MEIS2: variants seen among roughly 807,000 people sequenced by gnomAD.
The protein encoded by MEIS2 is homeobox protein Meis2.
In MEIS2, 9 loss-of-function variants were observed where a neutral mutation model predicts 58.6. The ratio of observed to expected loss-of-function variants is 0.15; its 90% CI spans 0.09 to 0.27. The LOEUF (loss-of-function observed/expected upper bound fraction) is 0.27, where lower values mean the gene tolerates loss of function less well. Ranked by LOEUF, MEIS2 falls within the 10% of genes least tolerant of loss-of-function variation. MEIS2 has a pLI of 1.00. For missense variants in MEIS2, 427 were observed against 635.0 expected, an observed-to-expected ratio of 0.67 and a Z score of 3.52; for synonymous variants, 221 against 228.4, an observed-to-expected ratio of 0.97 and a Z score of 0.29.
chr15:37,003,753 A>G (rs1330611276), intron 8 of MEIS2, among the ~76,000 whole-genome samples: 1 of 152,184 alleles, frequency 6.6e-6, no homozygotes, highest in African/African-American at 2.4e-5. Context: ...GGATATTAGG[A>G]AGTGGGGCCT....
chr15:36,965,285 A>T (rs2059317175), intron 8 of MEIS2, among the ~76,000 whole-genome samples: 1 of 152,240 alleles, frequency 6.6e-6, no homozygotes, highest in Non-Finnish European at 1.5e-5. Context: ...AGATTTGATT[A>T]TACCAACTCA....
intron 11 of MEIS2, among the ~76,000 whole-genome samples, chr15:36,893,186 G>C (rs956474777): frequency 3.3e-5 from 5 of 152,192 alleles, no homozygotes; most frequent in African/African-American, 1.2e-4. Flanking sequence ...TGAGTTAAAT[G>C]GTGGGAAGTC....
intron 7 of MEIS2, among the ~76,000 whole-genome samples, chr15:37,075,165 T>C (rs1034464986): frequency 5.3e-5 from 8 of 152,034 alleles, no homozygotes; most frequent in Middle Eastern, 3.2e-3. Context: ...AATTTTCCAC[T>C]ATTAGATATA....
In MEIS2 at chr15:36,939,397, G is replaced by A. The variant is rs115407790; in HGVS notation, c.977+10927C>T. Among the ~76,000 whole-genome samples, 957 of 152,316 alleles carry A rather than the reference G, an allele frequency of 6.3e-3. 9 individuals carry two copies. The highest frequency in any genetic ancestry group is 0.022 in the African/African-American group (917 of 41,578). ...AGTTTGGAAACAGAGCCAAAGGTCA[G>A]GGCTGTCACTCATAAAACACAACCT... On this transcript the variant is annotated intron_variant, in intron 9 of 11. Transcript: ENST00000561208.
intron 6 of MEIS2, among the ~76,000 whole-genome samples, chr15:37,087,212 C>T (rs913737866): frequency 2.0e-5 from 3 of 152,114 alleles, no homozygotes; most frequent in Admixed American, 2.0e-4. Flanking sequence ...CATGAAGACA[C>T]CCGAGGGCAA....
At chr15:36,937,785 C>A (rs886236915) in intron 9 of MEIS2, among the ~76,000 whole-genome samples, 1 of 151,936 alleles carries the variant, frequency 6.6e-6, no homozygotes, top group African/African-American at 2.4e-5. Context: ...CAAAAAAAAA[C>A]CATGATGTAA....
chr15:37,071,377 G>A (rs895451160), intron 7 of MEIS2, among the ~76,000 whole-genome samples: 4 of 151,962 alleles, frequency 2.6e-5, no homozygotes, highest in African/African-American at 9.7e-5. Context: ...CCGGGCTTGG[G>A]GCTTGGGGCC....
chr15:37,002,350 G>T (rs28683483), intron 8 of MEIS2, among the ~76,000 whole-genome samples: 1 of 150,754 alleles, frequency 6.6e-6, no homozygotes, highest in African/African-American at 2.4e-5. Context: ...TCAGCTGGAA[G>T]TAATCTTTCC....
chr15:37,007,201 AC>A (rs1169309240), intron 8 of MEIS2, among the ~76,000 whole-genome samples: 2 of 152,174 alleles, frequency 1.3e-5, no homozygotes, highest in Non-Finnish European at 2.9e-5. Context: ...ACATGAAAAG[AC>A]TTTTGCTAGA....
intron 7 of MEIS2, among the ~76,000 whole-genome samples, chr15:37,069,916 G>A (rs1276872014): frequency 3.3e-5 from 5 of 152,002 alleles, no homozygotes; most frequent in African/African-American, 1.2e-4. Flanking sequence ...GCAGAACCAA[G>A]CCATCCACTC....
rs201918475 is a variant in MEIS2, at chr15:37,099,499, C to G, written c.-33G>C. The G allele has an allele frequency of 2.0e-5, 33 of 1,613,016 alleles. No homozygotes were observed. The East Asian group carries it at 6.9e-4, about 34-fold the overall frequency. ...CGCTCCAATAAACTCCTGGATGTGTCGTATATTTAATATCCCAGTCCGGAT... is the reference window on the plus strand; with the variant it reads ...CGCTCCAATAAACTCCTGGATGTGTGGTATATTTAATATCCCAGTCCGGAT... On this transcript the variant is annotated 5_prime_UTR_variant, in exon 1 of 12. Coordinates refer to ENST00000561208, the MANE Select transcript of MEIS2 (RefSeq NM_170675.5).
At chr15:37,030,093 T>C (rs981460280) in intron 8 of MEIS2, among the ~76,000 whole-genome samples, 3 of 152,194 alleles carry the variant, frequency 2.0e-5, no homozygotes, top group African/African-American at 7.2e-5. Flanking sequence ...AGCAACTCTA[T>C]ATTCTGTTCA....
chr15:36,992,529 A>T (rs2060332596), intron 8 of MEIS2, among the ~76,000 whole-genome samples: 1 of 152,164 alleles, frequency 6.6e-6, no homozygotes, highest in South Asian at 2.1e-4. Flanking sequence ...AAAAGATCTC[A>T]TTGTCATTTA....
In MEIS2 at chr15:37,099,653, T is replaced by TC; in HGVS notation, c.-188dup. The TC allele has an allele frequency of 1.4e-6, 1 of 713,562 alleles. No individual in the cohort carries two copies. The highest frequency in any genetic ancestry group is 3.0e-5 in the East Asian group (1 of 33,748). The allele number at this position is 713,562 out of a possible 1,614,324, so 44.2% of individuals were successfully genotyped here. A position where few individuals can be genotyped will look rare whatever the true frequency, so the allele number is the denominator to read the frequency against. ...GTCTAGACAACGAAGAATTTTTTTT[T>TC]CTGTGATATTTCTTCTTTTTCTCTT... On this transcript the variant is annotated 5_prime_UTR_variant, in exon 1 of 12. Coordinates refer to ENST00000561208, the MANE Select transcript of MEIS2 (RefSeq NM_170675.5).
At chr15:36,995,593 T>C (rs1184172922) in intron 8 of MEIS2, among the ~76,000 whole-genome samples, 1 of 138,176 alleles carries the variant, frequency 7.2e-6, no homozygotes, top group African/African-American at 2.6e-5. Context: ...AGCCATTACG[T>C]TCTTTTCTTT....
At chr15:36,932,772 G>A (rs2058030058) in intron 9 of MEIS2, among the ~76,000 whole-genome samples, 1 of 152,110 alleles carries the variant, frequency 6.6e-6, no homozygotes, top group Non-Finnish European at 1.5e-5. Context: ...ACCCAGCAAA[G>A]GTTCAGAACT....
chr15:36,998,092 G>T (rs12102256), intron 8 of MEIS2, among the ~76,000 whole-genome samples: 128,703 of 152,050 alleles, frequency 0.85, 55,133 homozygotes, highest in Middle Eastern at 0.91. Context: ...TCTTCCTTCA[G>T]GCCATTTTCC....
At chr15:36,957,176 G>C (rs924081064) in intron 8 of MEIS2, among the ~76,000 whole-genome samples, 1 of 152,086 alleles carries the variant, frequency 6.6e-6, no homozygotes, top group Non-Finnish European at 1.5e-5. Context: ...AAATGACAAG[G>C]TGGAATTTTA....
intron 8 of MEIS2, among the ~76,000 whole-genome samples, chr15:37,035,127 G>T (rs904653170): frequency 1.3e-5 from 2 of 152,184 alleles, no homozygotes; most frequent in African/African-American, 4.8e-5. Flanking sequence ...AGGTGAGCTG[G>T]TCAGGAGAAG....
Sources: gnomAD v4.1 joint callset for allele counts (sites outside exome capture counted in the v4.1 genomes callset) on GRCh38, gnomAD v4.1.1 for gene constraint, MANE v1.5 for transcripts, NCBI Gene and HGNC (gene_info 2026-07-23, HGNC 2026-07-21) for gene names.